Variants in MMP26 observed in about 807,000 individuals in gnomAD.
The protein encoded by MMP26 is matrix metallopeptidase 26.
In MMP26, 33 loss-of-function variants were observed where a neutral mutation model predicts 31.0. The observed-to-expected ratio is 1.06, with a 90% confidence interval of 0.81 to 1.42. The LOEUF (loss-of-function observed/expected upper bound fraction) is 1.42, where lower values mean the gene tolerates loss of function less well. MMP26 is among the 40% of genes most tolerant of loss of function. MMP26 has a pLI of 0.00. For synonymous variants in MMP26, 122 were observed against 114.9 expected, an observed-to-expected ratio of 1.06 and a Z score of -0.40; for missense variants, 347 against 316.1, an observed-to-expected ratio of 1.10 and a Z score of -0.74.
intron 2 of MMP26, among the ~76,000 whole-genome samples, chr11:4,777,007 A>G (rs1848798937): frequency 6.6e-6 from 1 of 152,200 alleles, no homozygotes. Context: ...CCCTTGGACA[A>G]TGGGACTTGT....
chr11:4,882,312 T>C, intron 2 of MMP26: 1 of 1,614,016 alleles, frequency 6.2e-7, no homozygotes, highest in Non-Finnish European at 8.5e-7. Context: ...GCTACTATCC[T>C]CACAGACAGG....
chr11:4,926,518 G>T (rs913722079), intron 2 of MMP26, among the ~76,000 whole-genome samples: 1 of 152,194 alleles, frequency 6.6e-6, no homozygotes, highest in Non-Finnish European at 1.5e-5. Flanking sequence ...TTTTCAGCCA[G>T]CAGGCATAGT....
chr11:4,710,794 T>G (rs1847852994), intron 1 of MMP26: 1 of 204,240 alleles, frequency 4.9e-6, no homozygotes, highest in African/African-American at 2.3e-5. Flanking sequence ...AAGTCATACT[T>G]GGAGTTTAGG....
chr11:4,863,570 G>A (rs1215157185), intron 2 of MMP26: 1 of 152,092 alleles, frequency 6.6e-6, no homozygotes, highest in Non-Finnish European at 1.5e-5. Flanking sequence ...CACATAGCTT[G>A]CTATACAGAG....
intron 1 of MMP26, among the ~76,000 whole-genome samples, chr11:4,754,949 C>T (rs1312743900): frequency 6.6e-6 from 1 of 151,874 alleles, no homozygotes; most frequent in Non-Finnish European, 1.5e-5. Context: ...CCTATTTTCA[C>T]CACTTTGATT....
chr11:4,882,169 T>C (rs758974223), intron 2 of MMP26: 7 of 1,613,968 alleles, frequency 4.3e-6, no homozygotes, highest in East Asian at 2.2e-5. Flanking sequence ...TCTGGTTTCA[T>C]GCCCGGGAGA....
At chr11:4,774,782 T>C (rs1027777688) in intron 2 of MMP26, among the ~76,000 whole-genome samples, 3 of 152,216 alleles carry the variant, frequency 2.0e-5, no homozygotes, top group Admixed American at 2.0e-4. Flanking sequence ...AAGTCTTTAA[T>C]CCATCATGAG....
At chr11:4,812,875 G>GTGTGTAAT (rs1280402541) in intron 2 of MMP26, among the ~76,000 whole-genome samples, 3 of 152,032 alleles carry the variant, frequency 2.0e-5, no homozygotes, top group African/African-American at 7.3e-5. Context: ...AGATGTGTGT[G>GTGTGTAAT]TGTGTAATTT....
chr11:4,834,711 T>G (rs1849692488), intron 2 of MMP26, among the ~76,000 whole-genome samples: 1 of 152,198 alleles, frequency 6.6e-6, no homozygotes, highest in South Asian at 2.1e-4. Context: ...CCTGGCTGTG[T>G]GGTATTGAGA....
intron 1 of MMP26, among the ~76,000 whole-genome samples, chr11:4,765,255 G>T (rs1445098962): frequency 2.0e-5 from 3 of 152,176 alleles, no homozygotes; most frequent in African/African-American, 2.4e-5. Context: ...TTTCTAGAAG[G>T]TATAGAACTC....
At chr11:4,923,771 G>A (rs1418780373) in intron 2 of MMP26, 1 of 1,614,062 alleles carries the variant, frequency 6.2e-7, no homozygotes, top group East Asian at 2.2e-5. Flanking sequence ...GCTAGAGCAG[G>A]CCAGCTTCAT....
chr11:4,718,004 C>T (rs4287334), intron 1 of MMP26, among the ~76,000 whole-genome samples: 139,244 of 152,258 alleles, frequency 0.91, 64,399 homozygotes, highest in Non-Finnish European at 0.98. Flanking sequence ...CTCACACTCG[C>T]TATGTGGTAT....
chr11:4,760,987 T>A (rs1848563527), intron 1 of MMP26, among the ~76,000 whole-genome samples: 1 of 152,134 alleles, frequency 6.6e-6, no homozygotes, highest in African/African-American at 2.4e-5. Flanking sequence ...ACAAAACATC[T>A]ATATGGAATT....
chr11:4,787,614 C>G (rs1488572616), intron 2 of MMP26: 1 of 152,254 alleles, frequency 6.6e-6, no homozygotes, highest in Non-Finnish European at 1.5e-5. Context: ...CTTGGCCCCT[C>G]TCGGCTGAAC....
intron 2 of MMP26, chr11:4,924,398 C>T: frequency 2.0e-6 from 3 of 1,511,218 alleles, no homozygotes; most frequent in Non-Finnish European, 2.7e-6. Context: ...TGGAAAGTGA[C>T]AAGGCTGAAT....
rs746246624 is a variant in MMP26, at chr11:4,954,867, G to A, written c.-144-33201G>A. 15 of 1,114,300 alleles carry A rather than the reference G, an allele frequency of 1.3e-5. 3 individuals are homozygous for A. The highest frequency in any genetic ancestry group is 1.9e-5 in the Non-Finnish European group (15 of 779,602). 69.0% of individuals were successfully genotyped at this position (1,114,300 alleles called of 1,614,324 possible). ...ATTGGTTTCATCAGCGGAGGTACAA[G>A]TAGGAGAACATTTGCCATGAGAACA... On this transcript the variant is annotated intron_variant, in intron 2 of 7. Coordinates refer to ENST00000380390, the MANE Select transcript of MMP26 (RefSeq NM_021801.5).
At chr11:4,766,737 A>G in intron 1 of MMP26, among the ~76,000 whole-genome samples, 1 of 50,778 alleles carries the variant, frequency 2.0e-5, no homozygotes, top group South Asian at 6.9e-4. Flanking sequence ...TCCTTTTTTC[A>G]TCCTTTTTCT....
chr11:4,768,051 A>G (rs780723865), intron 2 of MMP26, among the ~76,000 whole-genome samples: 2 of 150,338 alleles, frequency 1.3e-5, no homozygotes, highest in Non-Finnish European at 2.9e-5. Flanking sequence ...AAGGAGTCAC[A>G]TAGGTCTTTA....
chr11:4,811,840 G>A (rs997323816), intron 2 of MMP26, among the ~76,000 whole-genome samples: 1 of 152,138 alleles, frequency 6.6e-6, no homozygotes, highest in African/African-American at 2.4e-5. Flanking sequence ...TTTAAGTTTA[G>A]TAGGGGATTT....
Sources: gnomAD v4.1 joint callset for allele counts (sites outside exome capture counted in the v4.1 genomes callset) on GRCh38, gnomAD v4.1.1 for gene constraint, MANE v1.5 for transcripts, NCBI Gene and HGNC (gene_info 2026-07-23, HGNC 2026-07-21) for gene names.